CSMD1: variants seen among roughly 807,000 people sequenced by gnomAD.
CSMD1 encodes CUB and sushi domain-containing protein 1.
CSMD1 carries 213 observed loss-of-function variants against 417.5 expected under a neutral mutation model. The ratio of observed to expected loss-of-function variants is 0.51; its 90% CI spans 0.46 to 0.57. The LOEUF is 0.57. Among genes scored for constraint, CSMD1 ranks in the 20% least tolerant of loss-of-function variants. The probability of loss-of-function intolerance (pLI) is 0.00; values close to 1 mark genes in which losing one functional copy is unlikely to be tolerated. For synonymous variants in CSMD1, 2,862 were observed against 1,736.8 expected (o/e 1.65, Z -16.11); for missense variants, 6,923 against 4,529.7 (o/e 1.53, Z -15.17).
chr8:3,619,306 C>G (rs1802301912), intron 7 of CSMD1, among the ~76,000 whole-genome samples: 1 of 152,198 alleles, frequency 6.6e-6, no homozygotes, highest in East Asian at 1.9e-4. Flanking sequence ...CGTTCAGAGG[C>G]CCACTAATTA....
chr8:3,226,077 A>G (rs1798484940), intron 27 of CSMD1, among the ~76,000 whole-genome samples: 1 of 152,220 alleles, frequency 6.6e-6, no homozygotes, highest in Non-Finnish European at 1.5e-5. Flanking sequence ...ACGTTTCTGC[A>G]TTAAAACATT....
chr8:3,154,750 C>T (rs2129037150), intron 39 of CSMD1, among the ~76,000 whole-genome samples: 1 of 152,286 alleles, frequency 6.6e-6, no homozygotes, highest in East Asian at 1.9e-4. Flanking sequence ...ATTCTGAGAA[C>T]ACTGCTTGAT....
intron 5 of CSMD1, among the ~76,000 whole-genome samples, chr8:3,923,962 T>C (rs1809461488): frequency 6.6e-6 from 1 of 152,226 alleles, no homozygotes. Context: ...ATTAGAATAT[T>C]CTGAATTTGA....
intron 7 of CSMD1, among the ~76,000 whole-genome samples, chr8:3,697,695 C>A (rs1043959338): frequency 6.6e-6 from 1 of 151,960 alleles, no homozygotes; most frequent in Non-Finnish European, 1.5e-5. Context: ...TTGCCTCATC[C>A]AATTACATAG....
intron 5 of CSMD1, among the ~76,000 whole-genome samples, chr8:3,987,118 G>A (rs529349157): frequency 6.6e-6 from 1 of 152,052 alleles, no homozygotes; most frequent in Non-Finnish European, 1.5e-5. Flanking sequence ...CAACTTACTG[G>A]AATGTATTTA....
intron 2 of CSMD1, among the ~76,000 whole-genome samples, chr8:4,441,376 G>T (rs531274098): frequency 1.4e-5 from 2 of 147,282 alleles, no homozygotes; most frequent in South Asian, 2.2e-4. Flanking sequence ...GCCTCCTAAA[G>T]TGCTGTAATC....
At chr8:4,300,602 T>G (rs558065596) in intron 3 of CSMD1, among the ~76,000 whole-genome samples, 222 of 152,326 alleles carry the variant, frequency 1.5e-3, no homozygotes, top group African/African-American at 5.1e-3. Context: ...GTTTCATATG[T>G]ATACATGTGC....
intron 1 of CSMD1, among the ~76,000 whole-genome samples, chr8:4,892,824 C>A (rs899949630): frequency 6.6e-6 from 1 of 152,052 alleles, no homozygotes; most frequent in Non-Finnish European, 1.5e-5. Context: ...GTATGCTACT[C>A]CATAGTATAA....
intron 2 of CSMD1, 85 bp from the exon 3 acceptor site, chr8:4,420,150 T>A: frequency 1.2e-6 from 1 of 851,466 alleles, no homozygotes; most frequent in Middle Eastern, 2.5e-4. Context: ...CTGAATAACT[T>A]GAACAGTGGT....
intron 26 of CSMD1, among the ~76,000 whole-genome samples, chr8:3,251,414 T>C (rs1281462205): frequency 6.6e-6 from 1 of 152,186 alleles, no homozygotes; most frequent in Non-Finnish European, 1.5e-5. Context: ...TTCTGTTGCA[T>C]TGGTCTATAT....
chr8:4,071,365 T>C (rs1182504902), intron 3 of CSMD1, among the ~76,000 whole-genome samples: 1 of 151,938 alleles, frequency 6.6e-6, no homozygotes, highest in East Asian at 1.9e-4. Context: ...TATGTCATTT[T>C]GTATCTGTTA....
chr8:3,288,873 C>T (rs548915492), intron 25 of CSMD1, among the ~76,000 whole-genome samples: 17 of 146,668 alleles, frequency 1.2e-4, no homozygotes, highest in Non-Finnish European at 2.2e-4. Flanking sequence ...ATGTGCACAA[C>T]CTACAGGTTT....
intron 5 of CSMD1, among the ~76,000 whole-genome samples, chr8:3,806,597 G>A (rs1243155688): frequency 1.3e-5 from 2 of 152,178 alleles, no homozygotes; most frequent in Non-Finnish European, 1.5e-5. Flanking sequence ...TCTTCCCAGA[G>A]TAGTAGGAAC....
At chr8:3,704,356 C>G (rs73658212) in intron 7 of CSMD1, among the ~76,000 whole-genome samples, 2 of 152,082 alleles carry the variant, frequency 1.3e-5, no homozygotes, top group Non-Finnish European at 2.9e-5. Flanking sequence ...GGCATATACC[C>G]AGTGGGCTCC....
chr8:4,453,595 C>G (rs894348856), intron 2 of CSMD1, among the ~76,000 whole-genome samples: 2 of 152,096 alleles, frequency 1.3e-5, no homozygotes, highest in Admixed American at 6.5e-5. Flanking sequence ...AATTGAACTG[C>G]TGTGAATCGA....
chr8:4,944,949 A>C (rs1280690934), intron 1 of CSMD1, among the ~76,000 whole-genome samples: 1 of 152,214 alleles, frequency 6.6e-6, no homozygotes, highest in African/African-American at 2.4e-5. Context: ...AGATATTTGC[A>C]TGTCCACGTG....
chr8:3,536,408 G>A (rs1288299582), intron 10 of CSMD1, among the ~76,000 whole-genome samples: 1 of 152,212 alleles, frequency 6.6e-6, no homozygotes, highest in African/African-American at 2.4e-5. Flanking sequence ...AACTGTAGAG[G>A]AAGAATGGGC....
chr8:4,676,584 C>T (rs1805694259), intron 1 of CSMD1, among the ~76,000 whole-genome samples: 1 of 152,192 alleles, frequency 6.6e-6, no homozygotes, highest in Non-Finnish European at 1.5e-5. Flanking sequence ...GCTACCACGG[C>T]ACCCTTTAAC....
chr8:3,484,986 C>G lies in CSMD1; in HGVS notation c.1448+8637G>C, dbSNP rs73499673. On this transcript the variant is annotated intron_variant, in intron 11 of 69. Transcript: ENST00000635120. ...TGGGCTGTGATGTTGGAGAACCATGCTGGAAAACAGCTGAGCAGTTTCCTA... is the reference window on the plus strand; with the variant it reads ...TGGGCTGTGATGTTGGAGAACCATGGTGGAAAACAGCTGAGCAGTTTCCTA... Among the ~76,000 whole-genome samples the G allele has an allele frequency of 7.0e-3, 1,066 of 152,266 alleles. 15 individuals are homozygous for G. Among genetic ancestry groups the G allele is most frequent in the African/African-American group, 0.025 (1,025 of 41,550 alleles).
Sources: gnomAD v4.1 joint callset for allele counts (sites outside exome capture counted in the v4.1 genomes callset) on GRCh38, gnomAD v4.1.1 for gene constraint, MANE v1.5 for transcripts, NCBI Gene and HGNC (gene_info 2026-07-23, HGNC 2026-07-21) for gene names.